The following SVIL variants were observed in gnomAD, a reference collection of about 807,000 sequenced individuals.
The protein encoded by SVIL is archvillin.
In SVIL, 101 loss-of-function variants were observed where a neutral mutation model predicts 240.4. The observed-to-expected ratio is 0.42, with a 90% CI of 0.36 to 0.50. The LOEUF (loss-of-function observed/expected upper bound fraction) is 0.50. Among genes scored for constraint, SVIL ranks in the 20% least tolerant of loss-of-function variants. The probability of loss-of-function intolerance (pLI) is 0.01; values close to 1 mark genes in which losing one functional copy is unlikely to be tolerated. For synonymous variants in SVIL, 999 were observed against 1,100.0 expected, an observed-to-expected ratio of 0.91 and a Z score of 1.82; for missense variants, 2,512 against 2,818.7, an observed-to-expected ratio of 0.89 and a Z score of 2.46.
At chr10:29,723,818 G>GA (rs1325261266) in intron 1 of SVIL, among the ~76,000 whole-genome samples, 5 of 152,154 alleles carry the variant, frequency 3.3e-5, no homozygotes, top group South Asian at 2.1e-4. Flanking sequence ...GAGAACATAT[G>GA]AAAAAATGAA....
At chr10:29,491,340 C>G (rs550593281) in intron 21 of SVIL, among the ~76,000 whole-genome samples, 1 of 63,374 alleles carries the variant, frequency 1.6e-5, no homozygotes, top group Non-Finnish European at 2.5e-5. Flanking sequence ...CTCTTCCCTC[C>G]CCCCTACCAC....
chr10:29,702,665 A>G (rs1305118737), intron 1 of SVIL, among the ~76,000 whole-genome samples: 1 of 152,168 alleles, frequency 6.6e-6, no homozygotes, highest in Non-Finnish European at 1.5e-5. Flanking sequence ...TATTACAGAG[A>G]CACTGAAAAT....
intron 1 of SVIL, among the ~76,000 whole-genome samples, chr10:29,696,474 T>C (rs1023245101): frequency 6.7e-6 from 1 of 150,146 alleles, no homozygotes; most frequent in Non-Finnish European, 1.5e-5. Context: ...GAGGAGCGTC[T>C]CTGCCCGGCT....
At chr10:29,588,913 A>AC (rs1375578461) in intron 1 of SVIL, among the ~76,000 whole-genome samples, 1 of 132,724 alleles carries the variant, frequency 7.5e-6, no homozygotes, top group Non-Finnish European at 1.6e-5. Context: ...TACCTCCCCC[A>AC]CCCCCCCTTT....
At chr10:29,567,264 G>A (rs1375189503) in intron 2 of SVIL, among the ~76,000 whole-genome samples, 3 of 152,192 alleles carry the variant, frequency 2.0e-5, no homozygotes, top group Non-Finnish European at 2.9e-5. Flanking sequence ...AGGATGCTCC[G>A]CTGTTATCAT....
At chr10:29,474,460 TGTTG>T (rs1483268040) in intron 29 of SVIL, among the ~76,000 whole-genome samples, 8 of 152,084 alleles carry the variant, frequency 5.3e-5, no homozygotes, top group Non-Finnish European at 1.2e-4. Flanking sequence ...CCTGGTGTGG[TGTTG>T]CACACCTGTA....
chr10:29,663,380 T>C (rs563485047), intron 2 of SVIL, among the ~76,000 whole-genome samples: 1 of 152,280 alleles, frequency 6.6e-6, no homozygotes, highest in South Asian at 2.1e-4. Flanking sequence ...CAGATACTTA[T>C]ATTTCTTTTT....
intron 30 of SVIL, 85 bp downstream of exon 30, chr10:29,473,753 T>C: frequency 6.4e-7 from 1 of 1,572,498 alleles, no homozygotes; most frequent in East Asian, 2.3e-5. Flanking sequence ...AGAATCATGT[T>C]GGGAGGGACC....
rs1273286257 is a variant in SVIL, at chr10:29,523,948, A to G, written c.2666T>C (p.Met889Thr). The G allele has an allele frequency of 1.2e-6, 2 of 1,614,204 alleles. No individual in the cohort carries two copies. The highest frequency in any genetic ancestry group is 2.2e-5 in the East Asian group (1 of 44,880). Residue 889 changes from methionine (M) to threonine (T), a missense_variant, in exon 15 of 38, where the codon ATG (methionine) becomes ACG (threonine). Around this residue, in one of 3 missense-constraint regions of SVIL, gnomAD observed 1,443 missense variants for 1,486.6 expected, o/e 0.97. Coordinates refer to ENST00000355867, the MANE Select transcript of SVIL (RefSeq NM_021738.3). Reference protein sequence around the residue: ...VSTVASTVAPMYAGDLRTKPP... With the variant: ...VSTVASTVAPTYAGDLRTKPP... ...CTTTGTGCGAAGATCTCCGGCATAC[A>G]TTGGAGCAACCGTGGATGCTACGGT...
chr10:29,465,458 G>A (rs1384051977), intron 34 of SVIL, 137 bp downstream of exon 34: 3 of 1,083,520 alleles, frequency 2.8e-6, no homozygotes, highest in African/African-American at 1.6e-5. Context: ...TGAAAAGAGT[G>A]TAAGCACATG....
intron 1 of SVIL, among the ~76,000 whole-genome samples, chr10:29,702,036 G>T (rs181850052): frequency 1.3e-5 from 2 of 151,926 alleles, no homozygotes; most frequent in Non-Finnish European, 2.9e-5. Flanking sequence ...TTAGCCGGGC[G>T]TGGTGGCAGG....
intron 17 of SVIL, among the ~76,000 whole-genome samples, chr10:29,506,836 TAGGAGGGAAGGGAC>T (rs1424419248): frequency 9.5e-5 from 14 of 146,604 alleles, no homozygotes; most frequent in African/African-American, 2.5e-4. Context: ...ACAGAGGCCC[TAGGAGGGAAGGGAC>T]AGAGGCCCTA....
intron 36 of SVIL, among the ~76,000 whole-genome samples, chr10:29,461,227 C>T (rs925393685): frequency 6.6e-6 from 1 of 152,174 alleles, no homozygotes; most frequent in African/African-American, 2.4e-5. Flanking sequence ...TTGGTAACTC[C>T]TGAACTTAGA....
chr10:29,708,231 C>CTGGG (rs1426476723), intron 1 of SVIL, among the ~76,000 whole-genome samples: 12 of 130,938 alleles, frequency 9.2e-5, no homozygotes, highest in African/African-American at 3.7e-4. Flanking sequence ...GCACTCCAGC[C>CTGGG]TGGGAGACAG....
At chr10:29,635,711 A>G (rs1958286061), upstream of SVIL, among the ~76,000 whole-genome samples, 1 of 152,346 alleles carries the variant, frequency 6.6e-6, no homozygotes, top group African/African-American at 2.4e-5. Context: ...ACACTCAAAC[A>G]AATATCACAA....
At chr10:29,537,689 T>C (rs1415580700) in intron 6 of SVIL, among the ~76,000 whole-genome samples, 2 of 152,164 alleles carry the variant, frequency 1.3e-5, no homozygotes, top group Non-Finnish European at 2.9e-5. Context: ...AAAATAAAAG[T>C]TATAATCAAC....
intron 1 of SVIL, among the ~76,000 whole-genome samples, chr10:29,603,172 C>A (rs1956880507): frequency 1.3e-5 from 2 of 152,124 alleles, no homozygotes; most frequent in South Asian, 4.1e-4. Flanking sequence ...TGTGGCCATG[C>A]ATGGTATTTA....
At chr10:29,530,914 G>A (rs1481918534) in intron 10 of SVIL, among the ~76,000 whole-genome samples, 2 of 152,132 alleles carry the variant, frequency 1.3e-5, no homozygotes, top group Non-Finnish European at 2.9e-5. Flanking sequence ...CTACTCTAAC[G>A]TTTGTCTGAT....
chr10:29,524,671 G>A lies in SVIL; in HGVS notation c.2387C>T (p.Thr796Ile). ...AHQKALAKDQ[T>I]NEGKELAEQG... is the part of the protein sequence containing the mutation. ...CTCAGCAAGCTCTTTGCCCTCATTTGTCTGGTCCTTGGCTAAGGCCTTTTG... is the reference window on the plus strand; with the variant it reads ...CTCAGCAAGCTCTTTGCCCTCATTTATCTGGTCCTTGGCTAAGGCCTTTTG... Residue 796 changes from threonine (T) to isoleucine (I), a missense_variant, in exon 14 of 38, where the codon ACA (threonine) becomes ATA (isoleucine). Physicochemically the swap from Thr to Ile is moderately conservative, Grantham distance 89. Coordinates refer to ENST00000355867, the MANE Select transcript of SVIL (RefSeq NM_021738.3). 6.2e-7 allele frequency: 1 copy of A among 1,614,152 alleles called. No individual in the cohort carries two copies. The highest frequency in any genetic ancestry group is 1.1e-5 in the South Asian group (1 of 91,086).
Sources: gnomAD v4.1 joint callset for allele counts (sites outside exome capture counted in the v4.1 genomes callset) on GRCh38, gnomAD v4.1.1 for gene constraint, gnomAD v4.1.1 regional missense constraint, MANE v1.5 for transcripts, NCBI Gene and HGNC (gene_info 2026-07-23, HGNC 2026-07-21) for gene names.